TUSC3: variants seen among roughly 807,000 people sequenced by gnomAD.
TUSC3 encodes tumor suppressor candidate 3, also known as dolichyl-diphosphooligosaccharide--protein glycosyltransferase subunit TUSC3.
A neutral mutation model predicts 44.8 loss-of-function variants in TUSC3; 45 were observed. That is an observed-to-expected ratio of 1.00 (90% CI 0.79 to 1.29). TUSC3 has a LOEUF of 1.29. TUSC3 is among the 50% of genes most tolerant of loss of function. The pLI, the probability that TUSC3 is intolerant of heterozygous loss-of-function variation, is 0.00. For missense variants in TUSC3, 519 were observed against 437.9 expected (o/e 1.19, Z -1.65); for synonymous variants, 212 against 152.9 (o/e 1.39, Z -2.85).
chr8:15,629,529 G>A (rs1162968403), intron 2 of TUSC3, among the ~76,000 whole-genome samples: 2 of 150,366 alleles, frequency 1.3e-5, no homozygotes, highest in African/African-American at 4.9e-5. Flanking sequence ...CTGAGAAAGG[G>A]ACCCTGTCAT....
chr8:15,691,163 A>C (rs1215282032), intron 6 of TUSC3, among the ~76,000 whole-genome samples: 1 of 151,956 alleles, frequency 6.6e-6, no homozygotes, highest in Non-Finnish European at 1.5e-5. Flanking sequence ...ATTTGTTTGT[A>C]TCATCTCTGA....
rs1239720988 is a variant in TUSC3 at position 15,493,711 on chromosome 8, A to T, written n.189+10228A>T. Among the ~76,000 whole-genome samples the T allele has an allele frequency of 2.0e-5, 3 of 152,216 alleles. No individual in the cohort carries two copies. In the East Asian group the frequency reaches 5.8e-4, roughly 29 times the overall value. ...TGAACTATCCAATTAGAAAAAGAAG[A>T]CACTGCATATTGAAAAGCTAACTTA... On this transcript the variant is annotated intron_variant and non_coding_transcript_variant, in intron 2 of 5. Coordinates refer to the TUSC3 transcript ENST00000503191.
chr8:15,754,596 AAGAAAAGCACCTTT>A (rs1374018445), intron 9 of TUSC3, among the ~76,000 whole-genome samples: 3 of 152,060 alleles, frequency 2.0e-5, no homozygotes, highest in Non-Finnish European at 4.4e-5. Flanking sequence ...TCCTTTTCTT[AAGAAAAGCACCTTT>A]AGTAATGGCC....
intron 9 of TUSC3, among the ~76,000 whole-genome samples, chr8:15,755,289 A>G (rs1464681465): frequency 1.3e-5 from 2 of 152,146 alleles, no homozygotes; most frequent in African/African-American, 4.8e-5. Flanking sequence ...ATTACATGAG[A>G]GAATGCTTGG....
Position 15,680,495 on chromosome 8 carries a change from A to G in TUSC3, c.798+6659A>G, listed in dbSNP as rs1000149701. On this transcript the variant is annotated intron_variant, in intron 6 of 10. Transcript: ENST00000503731. ...CGTTTATAAAGCCTTTTGGTAGAGT[A>G]TTTAGGGTTTTCTAGATACAGAATC... Among the ~76,000 whole-genome samples, 33 of 152,000 alleles carry G rather than the reference A, an allele frequency of 2.2e-4. 1 individual carries two copies.
rs547298978 is a variant in TUSC3 at position 15,711,899 on chromosome 8, T to G, written c.799-18767T>G. On this transcript the variant is annotated intron_variant, in intron 6 of 10. Transcript: ENST00000503731. ...TGCCACCCCCAGTTTGATCGTCACG[T>G]TTTTACTATAGTTTCAGGAACTGAA... Among the ~76,000 whole-genome samples the G allele has an allele frequency of 2.6e-5, 4 of 151,992 alleles. No homozygotes were observed. In the South Asian group the frequency reaches 8.3e-4, roughly 31 times the overall value.
chr8:15,625,414 T>C (rs1447296945), intron 2 of TUSC3, among the ~76,000 whole-genome samples: 1 of 152,214 alleles, frequency 6.6e-6, no homozygotes, highest in Non-Finnish European at 1.5e-5. Flanking sequence ...ATAAAATTAG[T>C]GTTAACTCTT....
At chr8:15,429,593 C>G (rs1034066377) in intron 1 of TUSC3, among the ~76,000 whole-genome samples, 2 of 151,286 alleles carry the variant, frequency 1.3e-5, no homozygotes, top group Non-Finnish European at 2.9e-5. Context: ...GATATTGATT[C>G]TTCCTACCCA....
the TUSC3 span, among the ~76,000 whole-genome samples, chr8:15,794,787 A>T: frequency 6.6e-6 from 1 of 152,146 alleles, no homozygotes; most frequent in South Asian, 2.1e-4. Context: ...ACAGGGGGGA[A>T]AATACCTTTA....
At chr8:15,807,726 G>C in the TUSC3 span, among the ~76,000 whole-genome samples, 2 of 152,184 alleles carry the variant, frequency 1.3e-5, no homozygotes, top group Admixed American at 6.5e-5. Flanking sequence ...TGTGGATGCA[G>C]CTGGAGGCCA....
chr8:15,685,051 A>G (rs1299435459), intron 6 of TUSC3, among the ~76,000 whole-genome samples: 4 of 152,192 alleles, frequency 2.6e-5, no homozygotes, highest in Non-Finnish European at 4.4e-5. Flanking sequence ...TCAGTACAGC[A>G]TGGCACACCT....
rs141328883 is a variant in TUSC3 at position 15,438,179 on chromosome 8, C to T, written n.91+20874C>T. ...GCACAGTCTCGGCTCCCTGCAATCTCCGTCTCCTGGGTTCAACTGAATCTC... is the reference window on the plus strand; with the variant it reads ...GCACAGTCTCGGCTCCCTGCAATCTTCGTCTCCTGGGTTCAACTGAATCTC... On this transcript the variant is annotated intron_variant and non_coding_transcript_variant, in intron 1 of 5. Transcript: ENST00000503191. Among the ~76,000 whole-genome samples the T allele has an allele frequency of 1.6e-3, 246 of 152,248 alleles. 1 individual carries two copies. Among genetic ancestry groups the T allele is most frequent in the South Asian group, 5.8e-3 (28 of 4,820 alleles).
chr8:15,526,563 A>G (rs1801375386), intron 2 of TUSC3, among the ~76,000 whole-genome samples: 2 of 151,162 alleles, frequency 1.3e-5, no homozygotes, highest in Non-Finnish European at 2.9e-5. Context: ...AGGAGATCTT[A>G]TCGTTTTATA....
At chr8:15,710,268 AT>A (rs1352573122) in intron 6 of TUSC3, among the ~76,000 whole-genome samples, 1 of 151,708 alleles carries the variant, frequency 6.6e-6, no homozygotes, top group Non-Finnish European at 1.5e-5. Flanking sequence ...ATGCTACCTA[AT>A]TTTTTGCTTG....
chr8:15,576,612 T>C (rs1490957541), intron 1 of TUSC3, among the ~76,000 whole-genome samples: 1 of 145,708 alleles, frequency 6.9e-6, no homozygotes, highest in East Asian at 2.3e-4. Flanking sequence ...ATTTCCAGTT[T>C]CATCCATGTC....
At chr8:15,775,639 T>TAC in the TUSC3 span, among the ~76,000 whole-genome samples, 43,857 of 114,354 alleles carry the variant, frequency 0.38, 6,873 homozygotes, top group African/African-American at 0.45. Context: ...GACACATATA[T>TAC]ATATATATAT....
At chr8:15,573,188 CTCTCTCTCTCTCTCTATATATA>C (rs1244656160) in intron 1 of TUSC3, among the ~76,000 whole-genome samples, 1 of 91,354 alleles carries the variant, frequency 1.1e-5, no homozygotes, top group Admixed American at 1.2e-4. Flanking sequence ...CTCTCTCTCT[CTCTCTCTCTCTCTCTATATATA>C]TATATATATA....
chr8:15,522,008 A>G (rs140917119), intron 2 of TUSC3, among the ~76,000 whole-genome samples: 1,578 of 152,322 alleles, frequency 0.01, 19 homozygotes, highest in African/African-American at 0.036. Context: ...GTTAGAAATG[A>G]GAAGCATGTT....
chr8:15,717,666 C>T (rs1039499012), intron 6 of TUSC3, among the ~76,000 whole-genome samples: 1 of 152,018 alleles, frequency 6.6e-6, no homozygotes, highest in Non-Finnish European at 1.5e-5. Flanking sequence ...ACTGTAATTT[C>T]AACTTTTTAT....
Sources: allele counts gnomAD v4.1 joint callset (sites outside exome capture counted in the v4.1 genomes callset), GRCh38; gene constraint gnomAD v4.1.1; transcripts MANE v1.5; gene names NCBI Gene and HGNC (gene_info 2026-07-23, HGNC 2026-07-21).